PDE9A: variants seen among roughly 807,000 people sequenced by gnomAD.
PDE9A encodes the protein high affinity cGMP-specific 3',5'-cyclic phosphodiesterase 9A.
Under a neutral mutation model 87.4 loss-of-function variants are expected in PDE9A, and 60 were observed. That is an observed-to-expected ratio of 0.69 (90% CI 0.56 to 0.85). The LOEUF is 0.85. PDE9A is among the 40% of genes least tolerant of loss of function. The pLI, the probability that PDE9A is intolerant of heterozygous loss-of-function variation, is 0.00. For missense variants in PDE9A, 665 were observed against 779.0 expected (o/e 0.85, Z 1.74); for synonymous variants, 272 against 279.4 (o/e 0.97, Z 0.27).
chr21:42,755,417 G>T (rs1328275849), intron 10 of PDE9A, among the ~76,000 whole-genome samples: 1 of 152,200 alleles, frequency 6.6e-6, no homozygotes, highest in Admixed American at 6.5e-5. Flanking sequence ...GTTCACCCAA[G>T]AGCAGCAGGC....
At position 42,720,269 on chromosome 21, in the gene PDE9A, G is replaced by A. The variant is rs142923039; in HGVS notation, c.263-11501G>A. Among the ~76,000 whole-genome samples the A allele has an allele frequency of 4.0e-3, 613 of 152,268 alleles. 3 individuals are homozygous for A. The highest frequency in any genetic ancestry group is 0.014 in the African/African-American group (580 of 41,546). ...AGCACTTTGGGAGGCCAAGGCGGGC[G>A]GATCACCTGAGGTTGGGAGTTCGAG... On this transcript the variant is annotated intron_variant, in intron 4 of 19. Coordinates refer to ENST00000291539, the MANE Select transcript of PDE9A (RefSeq NM_002606.3).
chr21:42,769,551 C>T (rs1470653114), intron 17 of PDE9A, among the ~76,000 whole-genome samples: 1 of 113,528 alleles, frequency 8.8e-6, no homozygotes, highest in Admixed American at 8.6e-5. Context: ...CACAAATGCA[C>T]ACACAGGCAC....
At chr21:42,680,764 C>G (rs1172762869) in intron 1 of PDE9A, among the ~76,000 whole-genome samples, 2 of 152,220 alleles carry the variant, frequency 1.3e-5, no homozygotes, top group Non-Finnish European at 2.9e-5. Flanking sequence ...CTTGCGGACC[C>G]CTCCCCAGGC....
chr21:42,722,219 G>A lies in PDE9A; in HGVS notation c.263-9551G>A, dbSNP rs1049622063. Among the ~76,000 whole-genome samples, 5 of 151,938 alleles carry A rather than the reference G, an allele frequency of 3.3e-5. No homozygotes were observed. Among genetic ancestry groups the A allele is most frequent in the South Asian group, 2.1e-4 (1 of 4,816 alleles). ...TCTTGAACTTCTGACCTCATGATCC[G>A]CCCACCTCAGCCTCCAGAAGTGCTG... is the stretch of plus-strand genomic sequence containing the variant. On this transcript the variant is annotated intron_variant, in intron 4 of 19. Coordinates refer to ENST00000291539, the MANE Select transcript of PDE9A (RefSeq NM_002606.3). The surrounding 1 kb of genome is among the most constrained non-coding windows in gnomAD (Gnocchi z 4.1).
intron 4 of PDE9A, among the ~76,000 whole-genome samples, chr21:42,729,161 A>T (rs1376349239): frequency 3.9e-5 from 6 of 152,220 alleles, no homozygotes; most frequent in African/African-American, 1.4e-4. Context: ...TTTAAATTAC[A>T]AATTGACTTT....
intron 9 of PDE9A, 120 bp downstream of exon 9, chr21:42,751,317 C>T: frequency 1.3e-6 from 1 of 765,672 alleles, no homozygotes; most frequent in Non-Finnish European, 2.3e-6. Context: ...CCCTCCCAGC[C>T]CTGGGCCGCT....
chr21:42,711,114 T>G (rs1467767142), intron 4 of PDE9A, among the ~76,000 whole-genome samples: 1 of 152,230 alleles, frequency 6.6e-6, no homozygotes, highest in African/African-American at 2.4e-5. Context: ...GTGGCAAACA[T>G]TTTTCCCAAT....
intron 4 of PDE9A, among the ~76,000 whole-genome samples, chr21:42,703,167 G>A (rs1198364759): frequency 1.3e-5 from 2 of 152,258 alleles, no homozygotes; most frequent in Non-Finnish European, 2.9e-5. Context: ...CCTGAGCACT[G>A]AGCGCCACGG....
At chr21:42,744,753 G>A (rs532357886) in intron 8 of PDE9A, among the ~76,000 whole-genome samples, 1 of 152,198 alleles carries the variant, frequency 6.6e-6, no homozygotes, top group Non-Finnish European at 1.5e-5. Context: ...CTGGAGCCAG[G>A]GTCAGGACAC....
In PDE9A at chr21:42,675,726, C is replaced by T. The variant is rs967146903; in HGVS notation, c.70-10466C>T. Among the ~76,000 whole-genome samples, 18 of 152,200 alleles carry T rather than the reference C, an allele frequency of 1.2e-4. No homozygotes were observed. Among genetic ancestry groups the T allele is most frequent in the Non-Finnish European group, 1.3e-4 (9 of 68,038 alleles). On this transcript the variant is annotated intron_variant, in intron 1 of 19. Coordinates refer to ENST00000291539, the MANE Select transcript of PDE9A (RefSeq NM_002606.3). The surrounding 1 kb of genome is among the most constrained non-coding windows in gnomAD (Gnocchi z 4.3). ...AACGGAGAGATCTGTGTACCCTCCACCCAGTCTCCCCTACTGGGACTGTCG... is the reference window on the plus strand; with the variant it reads ...AACGGAGAGATCTGTGTACCCTCCATCCAGTCTCCCCTACTGGGACTGTCG...
At chr21:42,755,901 C>T (rs1339699286) in intron 10 of PDE9A, among the ~76,000 whole-genome samples, 1 of 152,258 alleles carries the variant, frequency 6.6e-6, no homozygotes, top group Admixed American at 6.5e-5. Context: ...AACTGGCACT[C>T]GCTGTCTTTT....
intron 8 of PDE9A, among the ~76,000 whole-genome samples, chr21:42,746,272 A>G (rs772426180): frequency 9.9e-5 from 15 of 152,156 alleles, no homozygotes; most frequent in Non-Finnish European, 1.9e-4. Context: ...TCGAAGTTGT[A>G]GTCATTTCCT....
At chr21:42,748,068 C>G (rs182326289) in intron 8 of PDE9A, among the ~76,000 whole-genome samples, 1 of 152,162 alleles carries the variant, frequency 6.6e-6, no homozygotes, top group East Asian at 1.9e-4. Flanking sequence ...AAGGAAACAG[C>G]GGGATTCGAA....
intron 3 of PDE9A, among the ~76,000 whole-genome samples, chr21:42,691,108 A>G (rs1387625434): frequency 6.7e-6 from 1 of 149,462 alleles, no homozygotes; most frequent in Non-Finnish European, 1.5e-5. Context: ...ATCACCATCC[A>G]AAGTCACCCA....
chr21:42,771,761 G>T (rs895456942), intron 18 of PDE9A, among the ~76,000 whole-genome samples: 3 of 152,224 alleles, frequency 2.0e-5, no homozygotes, highest in Admixed American at 2.0e-4. Context: ...GCCCACACCC[G>T]CCTGGAGCGC....
chr21:42,734,206 A>G (rs2052142599), intron 7 of PDE9A: 2 of 152,320 alleles, frequency 1.3e-5, no homozygotes, highest in African/African-American at 2.4e-5. Context: ...ACAGCCTACT[A>G]CAGCCTCCAA....
intron 6 of PDE9A, 87 bp downstream of exon 6, chr21:42,732,211 C>A: frequency 7.6e-7 from 1 of 1,317,762 alleles, no homozygotes; most frequent in Admixed American, 1.9e-5. Flanking sequence ...CTGAGGCTGG[C>A]CTTGGCCGGC....
At chr21:42,729,630 C>G (rs1248012056) in intron 4 of PDE9A, among the ~76,000 whole-genome samples, 2 of 152,130 alleles carry the variant, frequency 1.3e-5, no homozygotes, top group Non-Finnish European at 2.9e-5. Context: ...CAAATGAAAG[C>G]CCATAGTGCT....
At chr21:42,687,551 G>A (rs2059544288) in intron 2 of PDE9A, among the ~76,000 whole-genome samples, 1 of 152,090 alleles carries the variant, frequency 6.6e-6, no homozygotes. Flanking sequence ...GACTCCCAAA[G>A]GCACTGGAAG....
Sources: allele counts gnomAD v4.1 joint callset (sites outside exome capture counted in the v4.1 genomes callset), GRCh38; gene constraint gnomAD v4.1.1; non-coding constraint Gnocchi (gnomAD v3.1); transcripts MANE v1.5; gene names NCBI Gene and HGNC (gene_info 2026-07-23, HGNC 2026-07-21).